The following ADAMTS17 variants were observed in gnomAD, a reference collection of about 807,000 sequenced individuals.
ADAMTS17 encodes the protein ADAM metallopeptidase with thrombospondin type 1 motif 17.
A neutral mutation model predicts 141.5 loss-of-function variants in ADAMTS17; 113 were observed. The observed-to-expected ratio is 0.80, with a 90% CI of 0.69 to 0.93. The LOEUF is 0.93. Ranked by LOEUF, ADAMTS17 falls within the 40% of genes least tolerant of loss-of-function variation. The pLI, the probability that ADAMTS17 is intolerant of heterozygous loss-of-function variation, is 0.00. For synonymous variants in ADAMTS17, 768 were observed against 630.6 expected (o/e 1.22, Z -3.27); for missense variants, 1,659 against 1,517.9 (o/e 1.09, Z -1.54).
At chr15:100,338,984 G>C in intron 2 of ADAMTS17, 2 of 985,482 alleles carry the variant, frequency 2.0e-6, no homozygotes, top group Non-Finnish European at 2.4e-6. Context: ...CTTCCCTCCG[G>C]CCTTCAGTAC....
intron 18 of ADAMTS17, among the ~76,000 whole-genome samples, chr15:100,011,852 C>T (rs553817008): frequency 1.3e-5 from 2 of 152,212 alleles, no homozygotes; most frequent in Non-Finnish European, 2.9e-5. Context: ...TGTGCTGCTA[C>T]AAACATGCAA....
chr15:100,107,772 G>T (rs1277415796), intron 14 of ADAMTS17, among the ~76,000 whole-genome samples: 3 of 152,108 alleles, frequency 2.0e-5, no homozygotes, highest in African/African-American at 7.2e-5. Context: ...TGTGCCTCAA[G>T]GCCTCAATCT....
chr15:100,081,016 A>C (rs977820597), intron 15 of ADAMTS17, among the ~76,000 whole-genome samples: 1 of 152,204 alleles, frequency 6.6e-6, no homozygotes, highest in African/African-American at 2.4e-5. Context: ...TAAAGGATAC[A>C]AAGTATTGAT....
At chr15:100,225,798 C>G (rs1353606075) in intron 7 of ADAMTS17, among the ~76,000 whole-genome samples, 2 of 147,180 alleles carry the variant, frequency 1.4e-5, no homozygotes, top group Non-Finnish European at 3.0e-5. Context: ...GTCACGGCCT[C>G]TGTGCCCACT....
At position 100,166,206 on chromosome 15, in the gene ADAMTS17, G is replaced by T. The variant is rs77970876; in HGVS notation, c.1182-10886C>A. On this transcript the variant is annotated intron_variant, in intron 8 of 21. Coordinates refer to ENST00000268070, the MANE Select transcript of ADAMTS17 (RefSeq NM_139057.4). ...TTGGTTGAAACCGTGAATAAGATCTGCTTTTTATTCTATTGTAATGATTGC... is the reference window on the plus strand; with the variant it reads ...TTGGTTGAAACCGTGAATAAGATCTTCTTTTTATTCTATTGTAATGATTGC... Among the ~76,000 whole-genome samples the T allele has an allele frequency of 1.1e-3, 161 of 152,232 alleles. 2 individuals are homozygous for T. The highest frequency in any genetic ancestry group is 3.8e-3 in the African/African-American group (158 of 41,530).
intron 15 of ADAMTS17, among the ~76,000 whole-genome samples, chr15:100,092,771 T>C (rs2035546180): frequency 6.6e-6 from 1 of 152,176 alleles, no homozygotes; most frequent in Admixed American, 6.5e-5. Flanking sequence ...GAAAAGGTTC[T>C]CGCAAGAACA....
chr15:100,294,483 C>T (rs2044742717), intron 3 of ADAMTS17, among the ~76,000 whole-genome samples: 2 of 152,068 alleles, frequency 1.3e-5, no homozygotes, highest in African/African-American at 2.4e-5. Context: ...ACCTGTAACC[C>T]CAGAGCTATG....
intron 3 of ADAMTS17, among the ~76,000 whole-genome samples, chr15:100,316,230 A>G (rs1357714441): frequency 1.3e-5 from 2 of 152,006 alleles, no homozygotes; most frequent in Non-Finnish European, 2.9e-5. Context: ...TGCCACCCCA[A>G]CTTCTGCCAT....
rs552036291 is a variant in ADAMTS17 at position 100,292,413 on chromosome 15, CGTTAGAGACACTCACCCCGT to C, written c.617-11032_617-11013del. ...GTGAAATTACGAGAGACACTCACCC[CGTTAGAGACACTCACCCCGT>C]GTTAGAGACACTCACCCCGTGTGAA... On this transcript the variant is annotated intron_variant, in intron 3 of 21. Transcript: ENST00000268070. Among the ~76,000 whole-genome samples the C allele has an allele frequency of 8.8e-4, 131 of 148,868 alleles. 1 individual carries two copies. Among genetic ancestry groups the C allele is most frequent in the African/African-American group, 2.8e-3 (114 of 40,358 alleles).
At position 99,972,381 on chromosome 15, in the gene ADAMTS17, A is replaced by C. The variant is rs1338900438; in HGVS notation, c.*2021T>G. The C allele has an allele frequency of 6.6e-6, 1 of 152,192 alleles. No homozygotes were observed. Among genetic ancestry groups the C allele is most frequent in the Non-Finnish European group, 1.5e-5 (1 of 68,044 alleles). The allele number at this position is 152,192 out of a possible 1,614,324, so 9.4% of individuals were successfully genotyped here. A position where few individuals can be genotyped will look rare whatever the true frequency, so the allele number is the denominator to read the frequency against. The stretch of plus-strand genomic sequence containing the variant: ...ATTCTGAGGGTGTGGGGCCCTTGCC[A>C]GGGTGACAGTGGGCATATCTGGAGG... On this transcript the variant is annotated 3_prime_UTR_variant, in exon 22 of 22. Coordinates refer to ENST00000268070, the MANE Select transcript of ADAMTS17 (RefSeq NM_139057.4).
intron 2 of ADAMTS17, among the ~76,000 whole-genome samples, chr15:100,335,528 CTT>C (rs1276715109): frequency 1.3e-5 from 2 of 152,208 alleles, no homozygotes; most frequent in Non-Finnish European, 2.9e-5. Flanking sequence ...CCTGCATTGT[CTT>C]TCTCTCTGAG....
chr15:100,314,886 G>C (rs1441457280), intron 3 of ADAMTS17, among the ~76,000 whole-genome samples: 1 of 152,228 alleles, frequency 6.6e-6, no homozygotes, highest in Non-Finnish European at 1.5e-5. Context: ...AAGAGCAGCA[G>C]AGACCTGGGA....
intron 20 of ADAMTS17, among the ~76,000 whole-genome samples, chr15:99,991,565 T>C (rs915982462): frequency 6.6e-6 from 1 of 152,218 alleles, no homozygotes; most frequent in Non-Finnish European, 1.5e-5. Flanking sequence ...GCTTTTACAC[T>C]GTTCATGGGG....
intron 15 of ADAMTS17, among the ~76,000 whole-genome samples, chr15:100,092,049 C>T (rs937103293): frequency 3.3e-5 from 5 of 152,110 alleles, no homozygotes; most frequent in African/African-American, 1.2e-4. Context: ...TGTAGGGACA[C>T]CAGTCCTGAA....
intron 3 of ADAMTS17, among the ~76,000 whole-genome samples, chr15:100,289,548 TCACACA>T (rs35262820): frequency 0.018 from 2,650 of 146,558 alleles, 90 homozygotes; most frequent in African/African-American, 0.062. Flanking sequence ...ATACACACAC[TCACACA>T]CACACACACA....
At chr15:100,276,525 G>GAGGGAGTGGGTGCCTGGTGGGAGGGTGGA (rs2142058016) in intron 4 of ADAMTS17, among the ~76,000 whole-genome samples, 1 of 137,470 alleles carries the variant, frequency 7.3e-6, no homozygotes, top group Admixed American at 7.3e-5. Context: ...GGGAGGGTGG[G>GAGGGAGTGGGTGCCTGGTGGGAGGGTGGA]AGGGAGTGGG....
intron 13 of ADAMTS17, among the ~76,000 whole-genome samples, chr15:100,111,521 T>A (rs8024234): frequency 2.0e-5 from 3 of 152,256 alleles, no homozygotes; most frequent in African/African-American, 7.2e-5. Flanking sequence ...AAGCATCTTG[T>A]GGAGCTGGTG....
At chr15:100,275,375 G>C (rs914204671) in intron 4 of ADAMTS17, among the ~76,000 whole-genome samples, 26 of 152,230 alleles carry the variant, frequency 1.7e-4, no homozygotes, top group African/African-American at 5.5e-4. Flanking sequence ...TAGTGACAAA[G>C]TTCCAATTCT....
intron 2 of ADAMTS17, among the ~76,000 whole-genome samples, chr15:100,333,323 T>C (rs892846916): frequency 1.3e-5 from 2 of 152,158 alleles, no homozygotes; most frequent in Non-Finnish European, 2.9e-5. Context: ...TGCAGTTACG[T>C]GCACAGACTG....
Sources: gnomAD v4.1 joint callset for allele counts (sites outside exome capture counted in the v4.1 genomes callset) on GRCh38, gnomAD v4.1.1 for gene constraint, MANE v1.5 for transcripts, NCBI Gene and HGNC (gene_info 2026-07-23, HGNC 2026-07-21) for gene names.